IGSF22: variants seen among roughly 807,000 people sequenced by gnomAD.
IGSF22 encodes immunoglobulin superfamily member 22, also known as immunoglobulin superfamily, member 22.
Under a neutral mutation model 127.0 loss-of-function variants are expected in IGSF22, and 119 were observed. The observed-to-expected ratio is 0.94, with a 90% CI of 0.81 to 1.09. The LOEUF (loss-of-function observed/expected upper bound fraction) is 1.09. Ranked by LOEUF, IGSF22 falls within the 50% of genes least tolerant of loss-of-function variation. IGSF22 has a pLI of 0.00. For missense variants in IGSF22, 1,518 were observed against 1,716.6 expected, an observed-to-expected ratio of 0.88 and a Z score of 2.04; for synonymous variants, 568 against 664.7, an observed-to-expected ratio of 0.85 and a Z score of 2.24.
At chr11:18,710,862 G>T (rs1263399895) in intron 15 of IGSF22, 34 bp from the exon 16 acceptor site, 30 of 1,582,612 alleles carry the variant, frequency 1.9e-5, no homozygotes, top group Non-Finnish European at 2.5e-5. Context: ...AAGGTTAGGA[G>T]GGGGAGCATG....
At chr11:18,705,132 A>G (rs1345355437) in intron 22 of IGSF22, among the ~76,000 whole-genome samples, 1 of 150,934 alleles carries the variant, frequency 6.6e-6, no homozygotes, top group Non-Finnish European at 1.5e-5. Context: ...CAGGAGTAGC[A>G]GAAGGTGAGA....
Position 18,706,007 on chromosome 11 carries a change from C to T in IGSF22, c.3720G>A (p.Pro1240=). The T allele has an allele frequency of 1.3e-6, 2 of 1,551,704 alleles. No individual in the cohort carries two copies. Among genetic ancestry groups the T allele is most frequent in the Non-Finnish European group, 8.7e-7 (1 of 1,146,984 alleles). Residue 1240 remains proline (P), a synonymous_variant, in exon 22 of 23, where the codon CCG becomes CCA. Transcript: ENST00000513874. ...CTMTCAFLGN[P]RPTVTLYKGD... Reference sequence around the variant, plus strand: ...CCTTGTAGAGGGTCACTGTGGGCCGCGGGTTCCCAAGGAAGGCGCAGGTCA... The same window carrying T: ...CCTTGTAGAGGGTCACTGTGGGCCGTGGGTTCCCAAGGAAGGCGCAGGTCA...
intron 4 of IGSF22, 55 bp downstream of exon 4, chr11:18,721,480 G>C (rs1848570760): frequency 6.2e-7 from 1 of 1,611,304 alleles, no homozygotes. Flanking sequence ...GGCCCGCCCT[G>C]GGGGTCCCTG....
chr11:18,722,877 G>A (rs765965050), intron 2 of IGSF22, among the ~76,000 whole-genome samples: 18 of 152,150 alleles, frequency 1.2e-4, no homozygotes, highest in Admixed American at 2.6e-4. Flanking sequence ...ACTAACAAGA[G>A]GTCTCAAACA....
chr11:18,718,854 C>G (rs1006047018), intron 7 of IGSF22, 126 bp from the exon 8 acceptor site: 1 of 658,466 alleles, frequency 1.5e-6, no homozygotes, highest in Non-Finnish European at 2.8e-6. Flanking sequence ...TAGATAACAA[C>G]GTGCAGTGCT....
At chr11:18,720,372 T>A (rs1284700995) in intron 4 of IGSF22, 87 bp from the exon 5 acceptor site, 1 of 936,838 alleles carries the variant, frequency 1.1e-6, no homozygotes, top group Non-Finnish European at 1.6e-6. Context: ...CCTTTTTTTT[T>A]TTTAGGGGAC....
chr11:18,716,917 T>G lies in IGSF22; in HGVS notation c.1057A>C (p.Lys353Gln), dbSNP rs372819152. ...QTAVFEIRLSKKEPNFVWKFN... is the reference protein window; with the variant it reads ...QTAVFEIRLSQKEPNFVWKFN... ...TTCCACACAAAGTTGGGCTCTTTCT[T>G]GGAGAGGCGGATCTCAAACACAGCT... The change falls in exon 10 of 23, where the codon AAG becomes CAG. Residue 353 changes from lysine (K) to glutamine (Q), a missense_variant. This residue lies in a region of IGSF22 where 1,456 missense variants were observed against 1,644.9 expected (regional missense o/e 0.89). Coordinates refer to ENST00000513874, the MANE Select transcript of IGSF22 (RefSeq NM_173588.4). This position sits in a 1 kb window ranked among gnomAD's most constrained non-coding sequence, Gnocchi z 4.5. 1.1e-5 allele frequency: 17 copies of G among 1,614,124 alleles called. No homozygotes were observed. The highest frequency in any genetic ancestry group is 1.4e-5 in the Non-Finnish European group (17 of 1,180,042).
At chr11:18,707,342 G>T (rs146923466) in intron 20 of IGSF22, 129 bp from the exon 21 acceptor site, 1 of 830,588 alleles carries the variant, frequency 1.2e-6, no homozygotes, top group Non-Finnish European at 1.8e-6. Context: ...TCTTGGAGTC[G>T]GAAAACTATT....
intron 17 of IGSF22, 146 bp downstream of exon 17, chr11:18,710,181 G>T: frequency 9.4e-7 from 1 of 1,059,440 alleles, no homozygotes; most frequent in Non-Finnish European, 1.4e-6. Context: ...TCTTGTGTGT[G>T]AATCTTGTCC....
At chr11:18,725,699 C>T (rs1459846730) in intron 1 of IGSF22, among the ~76,000 whole-genome samples, 1 of 152,232 alleles carries the variant, frequency 6.6e-6, no homozygotes, top group Non-Finnish European at 1.5e-5. Flanking sequence ...CTCAGCCTCC[C>T]AAAGTGCTAG....
intron 1 of IGSF22, among the ~76,000 whole-genome samples, chr11:18,724,780 C>T (rs1442632210): frequency 6.6e-6 from 1 of 152,144 alleles, no homozygotes; most frequent in Admixed American, 6.5e-5. Context: ...GTGTTTGCGA[C>T]ATGGTAAAGG....
intron 14 of IGSF22, 127 bp from the exon 15 acceptor site, chr11:18,712,511 C>T (rs1256381157): frequency 1.2e-6 from 1 of 800,536 alleles, no homozygotes; most frequent in African/African-American, 1.7e-5. Context: ...ATCCTTTGCC[C>T]CTCCCTGTGT....
At position 18,705,872 on chromosome 11, in the gene IGSF22, C is replaced by T; in HGVS notation, c.3855G>A (p.Val1285=). 1 of 1,551,470 alleles carries T rather than the reference C, an allele frequency of 6.4e-7. No homozygotes were observed. Among genetic ancestry groups the T allele is most frequent in the Middle Eastern group, 1.7e-4 (1 of 5,952 alleles). ...CCTTGCCCAGCTCGTTCTCCACCAG[C>T]ACGCTGTAATCGCCGCTGTCCTTGA... The part of the protein sequence containing the change: ...CTLKDSGDYS[V]LVENELGKDR... Residue 1285 remains valine, a synonymous_variant, in exon 22 of 23, where the codon GTG becomes GTA. Transcript: ENST00000513874.
Position 18,719,827 on chromosome 11 carries a change from C to G in IGSF22, c.585G>C (p.Leu195Phe), listed in dbSNP as rs200739690. The G allele has an allele frequency of 1.9e-6, 3 of 1,614,208 alleles. No individual in the cohort carries two copies. The East Asian group carries it at 6.7e-5, about 36-fold the overall frequency. The change falls in exon 7 of 23, where the codon TTG becomes TTC. Residue 195 changes from leucine to phenylalanine, a missense_variant. Leu to Phe is a conservative substitution (Grantham distance 22, BLOSUM62 0). Around this residue, in one of 3 missense-constraint regions of IGSF22, gnomAD observed 1,456 missense variants for 1,644.9 expected, o/e 0.89. Transcript: ENST00000513874. ...VANEKEMLEI[L>F]SKVPKKDFEK... is the part of the protein sequence containing the mutation. ...CAAAGTCTTTCTTGGGCACTTTGGACAAAATCTCCAGCATCTCTTTCTCAT... is the reference window on the plus strand; with the variant it reads ...CAAAGTCTTTCTTGGGCACTTTGGAGAAAATCTCCAGCATCTCTTTCTCAT...
chr11:18,713,400 G>A (rs895681639), intron 14 of IGSF22, among the ~76,000 whole-genome samples: 1 of 152,084 alleles, frequency 6.6e-6, no homozygotes, highest in Non-Finnish European at 1.5e-5. Context: ...TGATCCACCC[G>A]CCTTGGACCC....
intron 14 of IGSF22, 80 bp downstream of exon 14, chr11:18,713,772 C>T (rs956069563): frequency 1.9e-5 from 22 of 1,175,198 alleles, no homozygotes; most frequent in Non-Finnish European, 2.6e-5. Flanking sequence ...CTCTGGCCTC[C>T]TACTCAGCCT....
rs778805167 is a variant in IGSF22, at chr11:18,712,360, C to A, written c.2120G>T (p.Arg707Leu). ...VLDRPKPPQGRVEFLELSGSC... is the reference protein window; with the variant it reads ...VLDRPKPPQGLVEFLELSGSC... ...ACCTGAGAGCTCCAGGAACTCCACCCGGCCCTGTGGAGGCTTTGGACGGTC... is the reference window on the plus strand; with the variant it reads ...ACCTGAGAGCTCCAGGAACTCCACCAGGCCCTGTGGAGGCTTTGGACGGTC... Residue 707 changes from arginine (R) to leucine (L), a missense_variant, in exon 15 of 23, where the codon CGG (arginine) becomes CTG (leucine). Transcript: ENST00000513874. The A allele has an allele frequency of 6.4e-7, 1 of 1,551,296 alleles. No individual in the cohort carries two copies. Among genetic ancestry groups the A allele is most frequent in the South Asian group, 1.2e-5 (1 of 84,044 alleles).
chr11:18,707,819 G>A lies in IGSF22; in HGVS notation c.3265C>T (p.His1089Tyr). 6.3e-7 allele frequency: 1 copy of A among 1,598,646 alleles called. No individual in the cohort carries two copies. The highest frequency in any genetic ancestry group is 8.5e-7 in the Non-Finnish European group (1 of 1,172,080). The stretch of plus-strand genomic sequence containing the variant: ...CTCTCCATACCTGCCACGCGCACAT[G>A]GATGTCATAGCGTGCTTCTCCAAAC... Reference protein sequence around the residue: ...NEFGEARYDIHVRVADFPRPP... With the variant: ...NEFGEARYDIYVRVADFPRPP... The change falls in exon 20 of 23, where the codon CAT becomes TAT. Residue 1089 changes from histidine to tyrosine, a missense_variant. By Grantham distance (83) the His-to-Tyr change is moderately conservative. Coordinates refer to ENST00000513874, the MANE Select transcript of IGSF22 (RefSeq NM_173588.4).
At chr11:18,711,586 T>A (rs1192028765) in intron 15 of IGSF22, among the ~76,000 whole-genome samples, 1 of 152,012 alleles carries the variant, frequency 6.6e-6, no homozygotes, top group Non-Finnish European at 1.5e-5. Flanking sequence ...TTAGTAGAGA[T>A]AGGGTTTCAC....
Sources: gnomAD v4.1 joint callset for allele counts (sites outside exome capture counted in the v4.1 genomes callset) on GRCh38, gnomAD v4.1.1 for gene constraint, gnomAD v4.1.1 regional missense constraint, Gnocchi (gnomAD v3.1) non-coding constraint, MANE v1.5 for transcripts, NCBI Gene and HGNC (gene_info 2026-07-23, HGNC 2026-07-21) for gene names.